The following NKAIN2 variants were observed in gnomAD, a reference collection of about 807,000 sequenced individuals.
The protein encoded by NKAIN2 is sodium/potassium transporting ATPase interacting 2.
A neutral mutation model predicts 32.6 loss-of-function variants in NKAIN2; 14 were observed. The observed-to-expected ratio is 0.43, with a 90% CI of 0.28 to 0.67. The LOEUF (loss-of-function observed/expected upper bound fraction) is 0.67. Ranked by LOEUF, NKAIN2 falls within the 30% of genes least tolerant of loss-of-function variation. The pLI, the probability that NKAIN2 is intolerant of heterozygous loss-of-function variation, is 0.17. For synonymous variants in NKAIN2, 80 were observed against 87.2 expected (o/e 0.92, Z 0.46); for missense variants, 198 against 258.3 (o/e 0.77, Z 1.60).
intron 3 of NKAIN2, among the ~76,000 whole-genome samples, chr6:124,649,972 C>T (rs1447848003): frequency 6.6e-6 from 1 of 152,080 alleles, no homozygotes; most frequent in Non-Finnish European, 1.5e-5. Context: ...AACAAAAAAA[C>T]TCTCAGTAAA....
At chr6:123,895,571 A>G (rs1774240576) in intron 1 of NKAIN2, among the ~76,000 whole-genome samples, 1 of 152,170 alleles carries the variant, frequency 6.6e-6, no homozygotes, top group African/African-American at 2.4e-5. Flanking sequence ...ACCTAGGGAC[A>G]GGTTAGGGTC....
At chr6:123,889,179 C>T (rs1300980242) in intron 1 of NKAIN2, among the ~76,000 whole-genome samples, 2 of 152,076 alleles carry the variant, frequency 1.3e-5, no homozygotes, top group African/African-American at 2.4e-5. Flanking sequence ...TTTCATGCTT[C>T]CATTGCAGCC....
At chr6:124,347,730 A>C (rs1798503318) in intron 2 of NKAIN2, among the ~76,000 whole-genome samples, 1 of 152,068 alleles carries the variant, frequency 6.6e-6, no homozygotes, top group Non-Finnish European at 1.5e-5. Context: ...CTAGTTATAC[A>C]TTCATCTAAA....
chr6:124,789,715 A>G (rs952901537), intron 4 of NKAIN2, among the ~76,000 whole-genome samples: 9 of 152,086 alleles, frequency 5.9e-5, no homozygotes, highest in African/African-American at 2.2e-4. Context: ...AACTCTAAAA[A>G]TAAGTCCCAA....
chr6:123,841,722 G>A (rs941225665), intron 1 of NKAIN2, among the ~76,000 whole-genome samples: 11 of 152,074 alleles, frequency 7.2e-5, no homozygotes, highest in Non-Finnish European at 1.5e-5. Context: ...AACCCTCAAC[G>A]TCCAGGATGC....
At chr6:124,080,246 AATTTGCCAGAGGT>A (rs1375340068) in intron 1 of NKAIN2, among the ~76,000 whole-genome samples, 1 of 152,050 alleles carries the variant, frequency 6.6e-6, no homozygotes, top group African/African-American at 2.4e-5. Context: ...GATACAGTAC[AATTTGCCAGAGGT>A]ATTTGCTCAG....
intron 3 of NKAIN2, among the ~76,000 whole-genome samples, chr6:124,597,404 ATAT>A (rs956765819): frequency 5.0e-4 from 76 of 151,518 alleles, no homozygotes; most frequent in African/African-American, 1.8e-3. Context: ...TTAATAAATA[ATAT>A]TATTTATCTG....
At chr6:124,484,942 C>T (rs1313289641) in intron 3 of NKAIN2, among the ~76,000 whole-genome samples, 1 of 152,032 alleles carries the variant, frequency 6.6e-6, no homozygotes, top group Non-Finnish European at 1.5e-5. Flanking sequence ...ATATAAAACA[C>T]ATTGTGCATA....
intron 3 of NKAIN2, among the ~76,000 whole-genome samples, chr6:124,442,986 A>G (rs567986849): frequency 6.6e-6 from 1 of 152,232 alleles, no homozygotes; most frequent in East Asian, 1.9e-4. Flanking sequence ...CATGCGGTAA[A>G]TGAGTTTGAG....
chr6:124,129,753 G>T (rs1176275333), intron 1 of NKAIN2, among the ~76,000 whole-genome samples: 1 of 152,020 alleles, frequency 6.6e-6, no homozygotes, highest in Non-Finnish European at 1.5e-5. Flanking sequence ...AAGTAGCTGG[G>T]ATTACAGGTG....
intron 1 of NKAIN2, among the ~76,000 whole-genome samples, chr6:123,957,155 T>A (rs1024963170): frequency 6.6e-6 from 1 of 152,190 alleles, no homozygotes; most frequent in Non-Finnish European, 1.5e-5. Context: ...CAATCATTTT[T>A]TATGCGTATA....
chr6:123,937,129 ATG>A (rs1405494021), intron 1 of NKAIN2, among the ~76,000 whole-genome samples: 2 of 152,108 alleles, frequency 1.3e-5, no homozygotes, highest in African/African-American at 4.8e-5. Flanking sequence ...GTTTTTGGAA[ATG>A]TGTGTTATTA....
intron 1 of NKAIN2, among the ~76,000 whole-genome samples, chr6:124,155,321 C>G (rs1434418272): frequency 6.6e-6 from 1 of 151,960 alleles, no homozygotes. Context: ...CTGAATGTTC[C>G]CAACACAAAG....
rs1005766438 is a variant in NKAIN2, at chr6:124,200,091, C to A, written c.55-82914C>A. 3.3e-5 allele frequency among the ~76,000 whole-genome samples: 5 copies of A among 152,008 alleles called. No individual in the cohort carries two copies. The South Asian group carries it at 6.2e-4, about 19-fold the overall frequency. ...TCCATGAACCCAGATTTAAATTTTG[C>A]ATGTTTTATATCAGCTCTGTCAGGC... On this transcript the variant is annotated intron_variant, in intron 1 of 6. Transcript: ENST00000368417.
intron 1 of NKAIN2, among the ~76,000 whole-genome samples, chr6:124,115,112 G>A (rs1785548727): frequency 6.6e-6 from 1 of 152,128 alleles, no homozygotes; most frequent in African/African-American, 2.4e-5. Context: ...AGGAAGTTTT[G>A]TATTGAGGTG....
At chr6:124,359,231 G>T (rs1799150052) in intron 3 of NKAIN2, among the ~76,000 whole-genome samples, 1 of 151,680 alleles carries the variant, frequency 6.6e-6, no homozygotes, top group Non-Finnish European at 1.5e-5. Context: ...TGTTCTTTTG[G>T]CTTAGGATTG....
At chr6:124,613,095 GGAATT>G (rs1782751858) in intron 3 of NKAIN2, among the ~76,000 whole-genome samples, 1 of 152,120 alleles carries the variant, frequency 6.6e-6, no homozygotes, top group East Asian at 1.9e-4. Flanking sequence ...GAACAGTAGT[GGAATT>G]AATCAGCCTT....
chr6:124,129,151 G>T (rs1170845927), intron 1 of NKAIN2, among the ~76,000 whole-genome samples: 2 of 152,126 alleles, frequency 1.3e-5, no homozygotes, highest in African/African-American at 4.8e-5. Context: ...TTCACTGAAA[G>T]ACATAACTTT....
intron 3 of NKAIN2, among the ~76,000 whole-genome samples, chr6:124,592,447 A>C (rs559529760): frequency 6.6e-6 from 1 of 152,276 alleles, no homozygotes; most frequent in Non-Finnish European, 1.5e-5. Flanking sequence ...CCACTATTTA[A>C]ACTATAGTAG....
Sources: allele counts gnomAD v4.1 joint callset (sites outside exome capture counted in the v4.1 genomes callset), GRCh38; gene constraint gnomAD v4.1.1; transcripts MANE v1.5; gene names NCBI Gene and HGNC (gene_info 2026-07-23, HGNC 2026-07-21).